Variants in SPTLC2 observed in about 807,000 individuals in gnomAD.
SPTLC2 encodes serine palmitoyltransferase long chain base subunit 2.
In SPTLC2, 21 loss-of-function variants were observed where a neutral mutation model predicts 62.0. The observed-to-expected ratio is 0.34, with a 90% CI of 0.24 to 0.49. The LOEUF (loss-of-function observed/expected upper bound fraction) is 0.49. Ranked by LOEUF, SPTLC2 falls within the 20% of genes least tolerant of loss-of-function variation. SPTLC2 has a pLI of 0.99. For missense variants in SPTLC2, 511 were observed against 713.0 expected (o/e 0.72, Z 3.23); for synonymous variants, 261 against 261.8 (o/e 1.00, Z 0.03).
intron 1 of SPTLC2, among the ~76,000 whole-genome samples, chr14:77,615,260 C>G (rs1194003753): frequency 6.6e-6 from 1 of 152,202 alleles, no homozygotes; most frequent in Non-Finnish European, 1.5e-5. Context: ...CAGGGGAGGT[C>G]AAGTCTGCTT....
At chr14:77,578,895 T>G in intron 3 of SPTLC2, 60 bp downstream of exon 3, 1 of 1,565,932 alleles carries the variant, frequency 6.4e-7, no homozygotes, top group Non-Finnish European at 8.8e-7. Flanking sequence ...ATAACATATT[T>G]TCTCAAATGA....
intron 2 of SPTLC2, among the ~76,000 whole-genome samples, chr14:77,584,185 T>C (rs989149022): frequency 1.3e-5 from 2 of 152,232 alleles, no homozygotes; most frequent in African/African-American, 4.8e-5. Flanking sequence ...ATATCCCATA[T>C]TGTTTAATAT....
intron 5 of SPTLC2, among the ~76,000 whole-genome samples, chr14:77,569,063 A>C (rs972859234): frequency 7.2e-5 from 11 of 152,162 alleles, no homozygotes; most frequent in Admixed American, 5.2e-4. Flanking sequence ...ATAAGCACCT[A>C]CACATTTAAA....
intron 1 of SPTLC2, among the ~76,000 whole-genome samples, chr14:77,608,029 G>A (rs533368662): frequency 5.0e-4 from 76 of 152,274 alleles, no homozygotes; most frequent in Non-Finnish European, 8.8e-4. Context: ...ACCAACCGGC[G>A]TCTCACAGCT....
intron 4 of SPTLC2, among the ~76,000 whole-genome samples, chr14:77,574,906 T>C (rs2079705760): frequency 6.6e-6 from 1 of 152,068 alleles, no homozygotes; most frequent in Non-Finnish European, 1.5e-5. Flanking sequence ...GGAATGAAAA[T>C]ATTTAAAATT....
intron 8 of SPTLC2, among the ~76,000 whole-genome samples, chr14:77,552,955 T>C (rs919429948): frequency 6.6e-6 from 1 of 151,718 alleles, no homozygotes; most frequent in African/African-American, 2.4e-5. Context: ...CCCATCCTTC[T>C]ACCCCTAAAT....
chr14:77,595,589 C>A (rs2079842375), intron 2 of SPTLC2, among the ~76,000 whole-genome samples: 1 of 152,054 alleles, frequency 6.6e-6, no homozygotes, highest in Non-Finnish European at 1.5e-5. Context: ...AGAAAGGATG[C>A]CTAATCTTGA....
Position 77,529,004 on chromosome 14 carries a change from T to G in SPTLC2, c.1304-7423A>C, listed in dbSNP as rs543457695. 9.2e-5 allele frequency among the ~76,000 whole-genome samples: 14 copies of G among 151,900 alleles called. No individual in the cohort carries two copies. The South Asian group carries it at 2.9e-3, about 32-fold the overall frequency. On this transcript the variant is annotated intron_variant, in intron 9 of 11. Coordinates refer to ENST00000216484, the MANE Select transcript of SPTLC2 (RefSeq NM_004863.4). Reference sequence around the variant, plus strand: ...GCGCCCGCCACCATGCCTGGTTAATTTTTTTGTATTTTTAGTAGAGACAGG... The same window carrying G: ...GCGCCCGCCACCATGCCTGGTTAATGTTTTTGTATTTTTAGTAGAGACAGG...
At chr14:77,568,386 G>T (rs2079658214) in intron 5 of SPTLC2, among the ~76,000 whole-genome samples, 1 of 152,138 alleles carries the variant, frequency 6.6e-6, no homozygotes, top group Non-Finnish European at 1.5e-5. Flanking sequence ...TATGGTCTTT[G>T]GTAGTAAATG....
chr14:77,611,238 G>A (rs1373774024), intron 1 of SPTLC2, among the ~76,000 whole-genome samples: 1 of 151,464 alleles, frequency 6.6e-6, no homozygotes, highest in Non-Finnish European at 1.5e-5. Flanking sequence ...GGGAAGTAGA[G>A]CTTGCAGTGA....
Position 77,512,092 on chromosome 14 carries a change from C to A in SPTLC2, c.*192G>T. 1 of 696,056 alleles carries A rather than the reference C, an allele frequency of 1.4e-6. No homozygotes were observed. Among genetic ancestry groups the A allele is most frequent in the Non-Finnish European group, 2.4e-6 (1 of 422,114 alleles). The allele number at this position is 696,056 out of a possible 1,614,324, so 43.1% of individuals were successfully genotyped here. A position where few individuals can be genotyped will look rare whatever the true frequency, so the allele number is the denominator to read the frequency against. The stretch of plus-strand genomic sequence containing the variant: ...CTTCGTTTTTAAAGGTGAGATTTAG[C>A]AAAGGAAGGATTAGAAGCAGTTTTT... On this transcript the variant is annotated 3_prime_UTR_variant, in exon 12 of 12. Coordinates refer to ENST00000216484, the MANE Select transcript of SPTLC2 (RefSeq NM_004863.4).
chr14:77,584,193 T>C (rs916336445), intron 2 of SPTLC2, among the ~76,000 whole-genome samples: 3 of 152,210 alleles, frequency 2.0e-5, no homozygotes, highest in African/African-American at 7.2e-5. Flanking sequence ...TATTGTTTAA[T>C]ATAATATACA....
chr14:77,512,019 G>A lies in SPTLC2; in HGVS notation c.*265C>T, dbSNP rs2139988889. 1 of 466,780 alleles carries A rather than the reference G, an allele frequency of 2.1e-6. No homozygotes were observed. The highest frequency in any genetic ancestry group is 2.1e-5 in the South Asian group (1 of 47,758). The allele number at this position is 466,780 out of a possible 1,614,324, so 28.9% of individuals were successfully genotyped here. On this transcript the variant is annotated 3_prime_UTR_variant, in exon 12 of 12. Coordinates refer to ENST00000216484, the MANE Select transcript of SPTLC2 (RefSeq NM_004863.4). ...GCGTGATTTCACAAGTAGAATGGTT[G>A]CAAAATAAAATGTTTTTTTAATGGA...
rs566889802 is a variant in SPTLC2 at position 77,542,072 on chromosome 14, A to AAAC, written c.1303+10023_1303+10024insGTT. Among the ~76,000 whole-genome samples the AAAC allele has an allele frequency of 3.9e-5, 6 of 151,968 alleles. No individual in the cohort carries two copies. The South Asian group carries it at 1.2e-3, about 32-fold the overall frequency. ...ACAGACTCTGTGTCCGGAAAAAAAA[A>AAAC]AAAAAACCAAGAAAAACCCACAAAG... On this transcript the variant is annotated intron_variant, in intron 9 of 11. Coordinates refer to ENST00000216484, the MANE Select transcript of SPTLC2 (RefSeq NM_004863.4).
intron 9 of SPTLC2, among the ~76,000 whole-genome samples, chr14:77,531,995 ATC>A (rs1213216358): frequency 6.6e-6 from 1 of 152,226 alleles, no homozygotes; most frequent in African/African-American, 2.4e-5. Context: ...TAAATTTCTC[ATC>A]TCTCTATTGA....
chr14:77,554,698 A>G (rs947102490), intron 8 of SPTLC2: 1 of 155,926 alleles, frequency 6.4e-6, no homozygotes, highest in Non-Finnish European at 1.4e-5. Context: ...GCCGAGAAAT[A>G]TTCAGACCCA....
intron 2 of SPTLC2, among the ~76,000 whole-genome samples, chr14:77,584,878 G>C (rs952245106): frequency 2.0e-5 from 3 of 152,244 alleles, no homozygotes; most frequent in African/African-American, 7.2e-5. Context: ...CGGATGTGAT[G>C]TAGGGTCTGC....
chr14:77,613,219 A>T (rs2079947357), intron 1 of SPTLC2, among the ~76,000 whole-genome samples: 1 of 152,226 alleles, frequency 6.6e-6, no homozygotes, highest in East Asian at 1.9e-4. Context: ...TCCCCTGGAG[A>T]TCTTTAAAAA....
At chr14:77,594,446 C>A (rs2140053891) in intron 2 of SPTLC2, among the ~76,000 whole-genome samples, 1 of 152,278 alleles carries the variant, frequency 6.6e-6, no homozygotes, top group South Asian at 2.1e-4. Flanking sequence ...GCTGCACAAG[C>A]TGTATGAAAA....
Sources: allele counts gnomAD v4.1 joint callset (sites outside exome capture counted in the v4.1 genomes callset), GRCh38; gene constraint gnomAD v4.1.1; transcripts MANE v1.5; gene names NCBI Gene and HGNC (gene_info 2026-07-23, HGNC 2026-07-21).